Variants in GRIP2 observed in about 807,000 individuals in gnomAD.
GRIP2 encodes the protein glutamate receptor interacting protein 2, also known as glutamate receptor-interacting protein 2.
Under a neutral mutation model 108.3 loss-of-function variants are expected in GRIP2, and 58 were observed. That is an observed-to-expected ratio of 0.54 (90% CI 0.43 to 0.67). The LOEUF (loss-of-function observed/expected upper bound fraction) is 0.67. Among genes scored for constraint, GRIP2 ranks in the 30% least tolerant of loss-of-function variants. The pLI is 0.00. For missense variants in GRIP2, 1,278 were observed against 1,430.6 expected (o/e 0.89, Z 1.72); for synonymous variants, 586 against 598.2 (o/e 0.98, Z 0.30).
chr3:14,599,836 G>T, the GRIP2 span, among the ~76,000 whole-genome samples: 2 of 151,754 alleles, frequency 1.3e-5, no homozygotes, highest in African/African-American at 4.8e-5. Context: ...CCAGTGCTTG[G>T]GAAGTGTGGA....
the GRIP2 span, among the ~76,000 whole-genome samples, chr3:14,595,346 T>A: frequency 6.6e-6 from 1 of 152,086 alleles, no homozygotes; most frequent in African/African-American, 2.4e-5. Flanking sequence ...GTCATTGTTT[T>A]TTACCTCACA....
At chr3:14,517,405 G>A (rs1286398259) in intron 10 of GRIP2, among the ~76,000 whole-genome samples, 192 bp from the exon 11 acceptor site, 1 of 149,230 alleles carries the variant, frequency 6.7e-6, no homozygotes, top group African/African-American at 2.5e-5. Context: ...GGTTTCCATA[G>A]ACCCTGTGAA....
the GRIP2 span, among the ~76,000 whole-genome samples, chr3:14,570,662 AT>A: frequency 6.6e-6 from 1 of 152,066 alleles, no homozygotes; most frequent in Non-Finnish European, 1.5e-5. Flanking sequence ...TTTTAATTTC[AT>A]TTTTCAATAA....
the GRIP2 span, among the ~76,000 whole-genome samples, chr3:14,564,617 C>A: frequency 2.0e-3 from 308 of 152,338 alleles, 1 homozygote; most frequent in African/African-American, 7.1e-3. Flanking sequence ...GGGCTCCGTG[C>A]GTGGGACCTG....
the GRIP2 span, among the ~76,000 whole-genome samples, chr3:14,581,566 A>T: frequency 6.6e-6 from 1 of 152,206 alleles, no homozygotes; most frequent in Non-Finnish European, 1.5e-5. Flanking sequence ...CCAATGGGAG[A>T]CAGCCCCAGG....
At position 14,521,921 on chromosome 3, in the gene GRIP2, C is replaced by G. The variant is rs970592704; in HGVS notation, c.567-134G>C. ...GTGGGGGAGGAAGGGGAGGAGGGGA[C>G]GGGTGAAGGGGCGCATGAGTGAGTG... On this transcript the variant is annotated intron_variant, in intron 6 of 23. Transcript: ENST00000621039. This position sits in a 1 kb window ranked among gnomAD's most constrained non-coding sequence, Gnocchi z 5.1. 8 of 658,548 alleles carry G rather than the reference C, an allele frequency of 1.2e-5. No individual in the cohort carries two copies. Among genetic ancestry groups the G allele is most frequent in the Admixed American group, 4.0e-5 (1 of 24,880 alleles). The allele number at this position is 658,548 out of a possible 1,614,324, so 40.8% of individuals were successfully genotyped here. A position where few individuals can be genotyped will look rare whatever the true frequency, so the allele number is the denominator to read the frequency against.
intron 5 of GRIP2, 176 bp downstream of exon 5, chr3:14,523,436 C>G: frequency 1.6e-6 from 1 of 606,360 alleles, no homozygotes; most frequent in East Asian, 2.8e-5. Flanking sequence ...CCCAACCAAG[C>G]CTACTTCATT....
chr3:14,580,336 T>C, the GRIP2 span, among the ~76,000 whole-genome samples: 1 of 152,218 alleles, frequency 6.6e-6, no homozygotes. Flanking sequence ...CCACACATCT[T>C]TAAATTGCCT....
At chr3:14,563,779 G>A in the GRIP2 span, among the ~76,000 whole-genome samples, 1 of 152,140 alleles carries the variant, frequency 6.6e-6, no homozygotes, top group Non-Finnish European at 1.5e-5. Context: ...CTTGGGGGGT[G>A]GCATCCAGGC....
chr3:14,565,167 C>A, the GRIP2 span, among the ~76,000 whole-genome samples: 1 of 152,172 alleles, frequency 6.6e-6, no homozygotes, highest in South Asian at 2.1e-4. Context: ...GCCAGTGAGA[C>A]CCTCATCTGG....
chr3:14,528,368 C>T (rs1296776526), intron 1 of GRIP2, among the ~76,000 whole-genome samples: 8 of 152,112 alleles, frequency 5.3e-5, no homozygotes, highest in African/African-American at 1.4e-4. Flanking sequence ...TACAGGTTTT[C>T]GTTTGAACAT....
chr3:14,565,562 A>ACCCC, the GRIP2 span, among the ~76,000 whole-genome samples: 1 of 151,760 alleles, frequency 6.6e-6, no homozygotes, highest in Non-Finnish European at 1.5e-5. Flanking sequence ...CAAATCCCAC[A>ACCCC]CCCCAAGTCC....
intron 5 of GRIP2, 133 bp downstream of exon 5, chr3:14,523,479 T>C (rs1249571340): frequency 1.5e-6 from 1 of 676,594 alleles, no homozygotes; most frequent in Non-Finnish European, 2.6e-6. Context: ...ATACTTACCT[T>C]AACGGTCCTG....
rs755455442 is a variant in GRIP2, at chr3:14,523,084, G to A, written c.491-9C>T. ...ATCTTCATGGGCACCTCCTGGACAG[G>A]ATTTGACAAGAAGCAGGAATCATCC... On this transcript the variant is annotated splice_polypyrimidine_tract_variant and intron_variant, in intron 5 of 23. Transcript: ENST00000621039. 3 of 1,591,982 alleles carry A rather than the reference G, an allele frequency of 1.9e-6. No individual in the cohort carries two copies. Among genetic ancestry groups the A allele is most frequent in the Non-Finnish European group, 8.6e-7 (1 of 1,165,464 alleles).
At chr3:14,595,545 A>C in the GRIP2 span, among the ~76,000 whole-genome samples, 1 of 152,196 alleles carries the variant, frequency 6.6e-6, no homozygotes, top group Non-Finnish European at 1.5e-5. Context: ...TAGGAAACTG[A>C]GGCCCCGAAA....
upstream of GRIP2, chr3:14,541,829 T>C (rs1694976621): frequency 7.9e-7 from 1 of 1,263,612 alleles, no homozygotes; most frequent in Non-Finnish European, 1.1e-6. Flanking sequence ...TTAGTGGACA[T>C]TTCCTGGACG....
At position 14,493,970 on chromosome 3, in the gene GRIP2, A is replaced by C. The variant is rs558356022; in HGVS notation, c.2971-144T>G. 5 of 746,252 alleles carry C rather than the reference A, an allele frequency of 6.7e-6. No homozygotes were observed. The African/African-American group carries it at 9.0e-5, about 14-fold the overall frequency. The allele number at this position is 746,252 out of a possible 1,614,324, so 46.2% of individuals were successfully genotyped here. ...ACATCACCAGCACCACACACAGAGG[A>C]ACATTCTTCCTCTAACTCTCTCTCA... On this transcript the variant is annotated intron_variant, in intron 23 of 23. Coordinates refer to ENST00000621039, the MANE Select transcript of GRIP2 (RefSeq NM_001080423.4).
chr3:14,535,356 G>A (rs1188873073), intron 1 of GRIP2, among the ~76,000 whole-genome samples: 1 of 152,186 alleles, frequency 6.6e-6, no homozygotes, highest in Non-Finnish European at 1.5e-5. Context: ...TCTGCAAAAT[G>A]GGGGTACTGG....
At chr3:14,601,072 A>T in the GRIP2 span, among the ~76,000 whole-genome samples, 4,661 of 151,486 alleles carry the variant, frequency 0.031, 116 homozygotes, top group Middle Eastern at 0.082. Flanking sequence ...TCTCTCACAC[A>T]CACACACACA....
Sources: gnomAD v4.1 joint callset for allele counts (sites outside exome capture counted in the v4.1 genomes callset) on GRCh38, gnomAD v4.1.1 for gene constraint, Gnocchi (gnomAD v3.1) non-coding constraint, MANE v1.5 for transcripts, NCBI Gene and HGNC (gene_info 2026-07-23, HGNC 2026-07-21) for gene names.